The following LDAH variants were observed in gnomAD, a reference collection of about 807,000 sequenced individuals.
The protein encoded by LDAH is lipid droplet associated hydrolase, also known as lipid droplet-associated hydrolase.
LDAH carries 26 observed loss-of-function variants against 29.6 expected under a neutral mutation model. The observed-to-expected ratio is 0.88, with a 90% CI of 0.64 to 1.22. The LOEUF is 1.22. Ranked by LOEUF, LDAH falls within the 50% of genes most tolerant of loss-of-function variation. The pLI, the probability that LDAH is intolerant of heterozygous loss-of-function variation, is 0.00. For synonymous variants in LDAH, 117 were observed against 133.0 expected, an observed-to-expected ratio of 0.88 and a Z score of 0.83; for missense variants, 344 against 387.3, an observed-to-expected ratio of 0.89 and a Z score of 0.94.
chr2:20,714,317 T>C (rs1393436102), intron 5 of LDAH, among the ~76,000 whole-genome samples: 1 of 152,184 alleles, frequency 6.6e-6, no homozygotes, highest in Non-Finnish European at 1.5e-5. Context: ...GAAATAAAGA[T>C]GTTCTTTGAA....
intron 5 of LDAH, among the ~76,000 whole-genome samples, chr2:20,726,418 G>A (rs1245432623): frequency 6.6e-6 from 1 of 152,196 alleles, no homozygotes; most frequent in African/African-American, 2.4e-5. Flanking sequence ...AGAAGATTCT[G>A]GAGACATGAG....
chr2:20,797,931 G>A (rs532220545), intron 2 of LDAH, among the ~76,000 whole-genome samples: 3 of 152,230 alleles, frequency 2.0e-5, no homozygotes, highest in African/African-American at 4.8e-5. Context: ...TCACACCAAG[G>A]TGCTTCACTG....
intron 6 of LDAH, among the ~76,000 whole-genome samples, chr2:20,697,461 A>G (rs942227043): frequency 1.2e-4 from 18 of 152,144 alleles, no homozygotes; most frequent in African/African-American, 3.4e-4. Context: ...AATCTCACCA[A>G]ATTCCTAGGG....
chr2:20,817,608 GTA>G (rs1672937702), intron 1 of LDAH, among the ~76,000 whole-genome samples: 1 of 152,028 alleles, frequency 6.6e-6, no homozygotes, highest in African/African-American at 2.4e-5. Context: ...AGCTAAAGAA[GTA>G]TTAATTCACT....
At chr2:20,706,609 A>C (rs1664318723) in intron 5 of LDAH, among the ~76,000 whole-genome samples, 1 of 152,224 alleles carries the variant, frequency 6.6e-6, no homozygotes, top group Admixed American at 6.5e-5. Flanking sequence ...CTGAATTTTA[A>C]TTTCAAATGG....
chr2:20,750,963 C>T (rs891938345), intron 4 of LDAH, among the ~76,000 whole-genome samples: 1 of 152,182 alleles, frequency 6.6e-6, no homozygotes, highest in East Asian at 1.9e-4. Flanking sequence ...ACATTGAGCA[C>T]ATATGGACAT....
chr2:20,707,606 G>A (rs776427991), intron 5 of LDAH, among the ~76,000 whole-genome samples: 2 of 152,196 alleles, frequency 1.3e-5, no homozygotes, highest in Non-Finnish European at 2.9e-5. Context: ...CTGCAGAGGG[G>A]ACCCCCTGAA....
chr2:20,797,072 C>T (rs1671350639), intron 2 of LDAH, among the ~76,000 whole-genome samples: 1 of 152,138 alleles, frequency 6.6e-6, no homozygotes, highest in African/African-American at 2.4e-5. Context: ...CAGCACTTGC[C>T]ATGACTATAA....
At chr2:20,700,933 T>G (rs571076284) in intron 6 of LDAH, among the ~76,000 whole-genome samples, 1 of 152,316 alleles carries the variant, frequency 6.6e-6, no homozygotes, top group East Asian at 1.9e-4. Context: ...ATAATATTAG[T>G]ACAGTTCTGT....
intron 5 of LDAH, among the ~76,000 whole-genome samples, chr2:20,705,484 CCT>C (rs1350775390): frequency 1.3e-5 from 2 of 152,036 alleles, no homozygotes; most frequent in African/African-American, 2.4e-5. Flanking sequence ...AATTTCTTCC[CCT>C]GTTTTCTCCA....
chr2:20,711,151 G>A (rs1049222721), intron 5 of LDAH, among the ~76,000 whole-genome samples: 1 of 152,078 alleles, frequency 6.6e-6, no homozygotes, highest in African/African-American at 2.4e-5. Context: ...CACTTTGGGA[G>A]GCTGAGACGG....
At chr2:20,688,426 G>A (rs947421378) in intron 6 of LDAH, among the ~76,000 whole-genome samples, 4 of 152,170 alleles carry the variant, frequency 2.6e-5, no homozygotes, top group African/African-American at 9.7e-5. Flanking sequence ...ATGCCAAGGA[G>A]GTTGCGCTTT....
At chr2:20,710,627 T>TATAGATATAGATATAGATATAG (rs1558399258) in intron 5 of LDAH, among the ~76,000 whole-genome samples, 23 of 139,224 alleles carry the variant, frequency 1.7e-4, no homozygotes, top group African/African-American at 5.2e-4. Flanking sequence ...TATAGATATA[T>TATAGATATAGATATAGATATAG]ATATATAGAT....
At chr2:20,766,491 T>C (rs887661345) in intron 4 of LDAH, among the ~76,000 whole-genome samples, 4 of 152,336 alleles carry the variant, frequency 2.6e-5, no homozygotes, top group South Asian at 4.1e-4. Context: ...TGGAGAAAGC[T>C]TGCATAGAGA....
intron 5 of LDAH, among the ~76,000 whole-genome samples, chr2:20,734,136 C>T (rs376389403): frequency 7.9e-5 from 12 of 152,230 alleles, no homozygotes; most frequent in African/African-American, 2.9e-4. Flanking sequence ...GTTTCCTTTG[C>T]TTATAAATGT....
At position 20,768,038 on chromosome 2, in the gene LDAH, C is replaced by T. The variant is rs555139782; in HGVS notation, c.468+6772G>A. ...GGGACACCCTGGCTACACAGAGGAG[C>T]TGTCCACTGCGGGTCTTCTCTGAGC... On this transcript the variant is annotated intron_variant, in intron 4 of 6. Transcript: ENST00000237822. Among the ~76,000 whole-genome samples the T allele has an allele frequency of 2.6e-5, 4 of 152,294 alleles. No individual in the cohort carries two copies. In the South Asian group the frequency reaches 8.3e-4, roughly 32 times the overall value.
chr2:20,795,893 T>A (rs1428795582), intron 2 of LDAH, among the ~76,000 whole-genome samples: 1 of 151,438 alleles, frequency 6.6e-6, no homozygotes, highest in African/African-American at 2.4e-5. Context: ...CTTGAAATAC[T>A]GTTATCCTGA....
At chr2:20,779,529 A>G (rs1486429867) in intron 3 of LDAH, among the ~76,000 whole-genome samples, 1 of 152,078 alleles carries the variant, frequency 6.6e-6, no homozygotes, top group African/African-American at 2.4e-5. Context: ...CAAAAAAATA[A>G]TATGTTGTTC....
At chr2:20,808,820 A>G (rs1312132327) in intron 1 of LDAH, among the ~76,000 whole-genome samples, 1 of 152,228 alleles carries the variant, frequency 6.6e-6, no homozygotes, top group Non-Finnish European at 1.5e-5. Flanking sequence ...ATCCAAAGAT[A>G]TATCTTCATG....
Sources: allele counts gnomAD v4.1 joint callset (sites outside exome capture counted in the v4.1 genomes callset), GRCh38; gene constraint gnomAD v4.1.1; transcripts MANE v1.5; gene names NCBI Gene and HGNC (gene_info 2026-07-23, HGNC 2026-07-21).